Variants in HTR4 observed in about 807,000 individuals in gnomAD.
HTR4 encodes 5-hydroxytryptamine (serotonin) receptor 4, G protein-coupled.
HTR4 carries 16 observed loss-of-function variants against 36.8 expected under a neutral mutation model. The observed-to-expected ratio is 0.43, with a 90% CI of 0.29 to 0.66. The LOEUF (loss-of-function observed/expected upper bound fraction) is 0.66. HTR4 is among the 30% of genes least tolerant of loss of function. The pLI, the probability that HTR4 is intolerant of heterozygous loss-of-function variation, is 0.13. For synonymous variants in HTR4, 189 were observed against 185.1 expected, an observed-to-expected ratio of 1.02 and a Z score of -0.17; for missense variants, 438 against 490.9, an observed-to-expected ratio of 0.89 and a Z score of 1.02.
At chr5:148,548,958 A>T in intron 3 of HTR4, 90 bp from the exon 4 acceptor site, 1 of 864,508 alleles carries the variant, frequency 1.2e-6, no homozygotes, top group Non-Finnish European at 1.9e-6. Flanking sequence ...AAACAGGGAA[A>T]AGGGAAACAA....
chr5:148,480,609 A>G (rs528720108), downstream of HTR4, among the ~76,000 whole-genome samples: 86 of 152,288 alleles, frequency 5.6e-4, no homozygotes, highest in Admixed American at 3.1e-3. Flanking sequence ...CCTGACCTCA[A>G]GTGATTCTCC....
intron 4 of HTR4, among the ~76,000 whole-genome samples, chr5:148,547,976 G>A (rs1363899733): frequency 1.3e-5 from 2 of 152,174 alleles, no homozygotes; most frequent in African/African-American, 2.4e-5. Context: ...ATGATGAAAT[G>A]TAAATTAGCA....
At chr5:148,451,786 G>A (rs944302262) in intron 5 of HTR4, among the ~76,000 whole-genome samples, 2 of 152,142 alleles carry the variant, frequency 1.3e-5, no homozygotes, top group Admixed American at 1.3e-4. Context: ...GAATCAAACA[G>A]CAAGTTGACA....
intron 2 of HTR4, among the ~76,000 whole-genome samples, chr5:148,633,739 G>A (rs1056843988): frequency 5.9e-5 from 9 of 152,068 alleles, no homozygotes; most frequent in Non-Finnish European, 1.2e-4. Flanking sequence ...CTGACACAAA[G>A]TGTAGGTGCT....
chr5:148,516,067 C>T (rs1053469593), intron 5 of HTR4, among the ~76,000 whole-genome samples: 6 of 150,396 alleles, frequency 4.0e-5, no homozygotes, highest in African/African-American at 1.5e-4. Flanking sequence ...ACATATATAT[C>T]AGAATGGTCT....
intron 2 of HTR4, among the ~76,000 whole-genome samples, chr5:148,573,658 A>T (rs182665213): frequency 6.6e-6 from 1 of 152,038 alleles, no homozygotes; most frequent in Admixed American, 6.6e-5. Context: ...CATAATGAGC[A>T]CCAGAAGCAG....
At chr5:148,621,492 C>G (rs1401484895) in intron 2 of HTR4, among the ~76,000 whole-genome samples, 1 of 152,184 alleles carries the variant, frequency 6.6e-6, no homozygotes, top group Non-Finnish European at 1.5e-5. Flanking sequence ...AACTCCTGGT[C>G]CAGACTCTGC....
chr5:148,621,405 G>A (rs1180954941), intron 2 of HTR4, among the ~76,000 whole-genome samples: 6 of 152,118 alleles, frequency 3.9e-5, no homozygotes, highest in Non-Finnish European at 5.9e-5. Flanking sequence ...AACCCTATGA[G>A]CCACCTGGTC....
intron 5 of HTR4, among the ~76,000 whole-genome samples, chr5:148,452,302 C>T (rs1754992661): frequency 6.6e-6 from 1 of 152,288 alleles, no homozygotes; most frequent in South Asian, 2.1e-4. Flanking sequence ...ATAGGTCATA[C>T]ATGAAGACAC....
Position 148,506,129 on chromosome 5 carries a change from C to T in HTR4, c.1076+3327G>A, listed in dbSNP as rs147693700. ...TGCTACCTGACTTCAAACTATACTA[C>T]AAGGCTACAGTCAGCAAAACAGCAT... On this transcript the variant is annotated intron_variant, in intron 6 of 6. Transcript: ENST00000377888. 1.8e-3 allele frequency among the ~76,000 whole-genome samples: 270 copies of T among 152,278 alleles called. 9 individuals carry two copies. The East Asian group carries it at 0.035, about 20-fold the overall frequency.
chr5:148,497,132 A>T (rs948342911), intron 6 of HTR4, among the ~76,000 whole-genome samples: 1 of 152,144 alleles, frequency 6.6e-6, no homozygotes, highest in Admixed American at 6.6e-5. Context: ...TTTTCAAAAA[A>T]AACCATTTTT....
chr5:148,575,358 T>A (rs553652181), intron 2 of HTR4, among the ~76,000 whole-genome samples: 26 of 152,030 alleles, frequency 1.7e-4, no homozygotes, highest in Non-Finnish European at 3.4e-4. Context: ...CCCCCTCCCT[T>A]CTCCCTTTCT....
intron 2 of HTR4, among the ~76,000 whole-genome samples, chr5:148,555,367 A>G (rs1397437933): frequency 6.6e-6 from 1 of 152,198 alleles, no homozygotes; most frequent in African/African-American, 2.4e-5. Flanking sequence ...AGGGTTAGAG[A>G]GCACCAAGTT....
At chr5:148,562,555 A>G (rs1159175432) in intron 2 of HTR4, among the ~76,000 whole-genome samples, 1 of 152,046 alleles carries the variant, frequency 6.6e-6, no homozygotes, top group Non-Finnish European at 1.5e-5. Context: ...TGCTGTCAAT[A>G]CCCTAGGAGA....
chr5:148,654,293 C>T lies in HTR4; in HGVS notation c.-279G>A. The T allele has an allele frequency of 1.0e-6, 1 of 984,672 alleles. No individual in the cohort carries two copies. The highest frequency in any genetic ancestry group is 1.2e-6 in the Non-Finnish European group (1 of 829,304). 61.0% of individuals were successfully genotyped at this position (984,672 alleles called of 1,614,324 possible). ...ACCCCAGCCCCGGATCACCTGGGCT[C>T]GCCGCGCATCGTCCTTCTCCCCAAC... On this transcript the variant is annotated 5_prime_UTR_variant, in exon 1 of 7. Transcript: ENST00000377888.
At chr5:148,624,468 G>T (rs1753024148) in intron 2 of HTR4, among the ~76,000 whole-genome samples, 1 of 152,192 alleles carries the variant, frequency 6.6e-6, no homozygotes, top group Non-Finnish European at 1.5e-5. Flanking sequence ...AGCATTCAGT[G>T]CCTGTTAGCT....
chr5:148,505,511 A>C (rs1183207630), intron 6 of HTR4, among the ~76,000 whole-genome samples: 1 of 152,182 alleles, frequency 6.6e-6, no homozygotes, highest in Non-Finnish European at 1.5e-5. Flanking sequence ...TAGTGTTGGA[A>C]GTTCTGGCCA....
intron 2 of HTR4, among the ~76,000 whole-genome samples, chr5:148,624,799 G>A (rs1753035476): frequency 6.6e-6 from 1 of 152,156 alleles, no homozygotes; most frequent in Admixed American, 6.5e-5. Flanking sequence ...AACTTTCTAT[G>A]ATGGGCCTTC....
intron 1 of HTR4, among the ~76,000 whole-genome samples, chr5:148,642,285 C>A (rs1439796483): frequency 6.6e-6 from 1 of 152,096 alleles, no homozygotes; most frequent in Admixed American, 6.5e-5. Context: ...CTCCACCTGA[C>A]CCTGCTACTG....
Sources: allele counts gnomAD v4.1 joint callset (sites outside exome capture counted in the v4.1 genomes callset), GRCh38; gene constraint gnomAD v4.1.1; transcripts MANE v1.5; gene names NCBI Gene and HGNC (gene_info 2026-07-23, HGNC 2026-07-21).